The following NXPH1 variants were observed in gnomAD, a reference collection of about 807,000 sequenced individuals.
The protein encoded by NXPH1 is neurexophilin-1.
Under a neutral mutation model 23.7 loss-of-function variants are expected in NXPH1, and 5 were observed. The observed-to-expected ratio is 0.21, with a 90% CI of 0.11 to 0.44. NXPH1 has a LOEUF of 0.44. Among genes scored for constraint, NXPH1 ranks in the 20% least tolerant of loss-of-function variants. The pLI is 0.99. For synonymous variants in NXPH1, 144 were observed against 122.2 expected, an observed-to-expected ratio of 1.18 and a Z score of -1.18; for missense variants, 324 against 321.6, an observed-to-expected ratio of 1.01 and a Z score of -0.06.
At chr7:8,702,787 C>T (rs1048849134) in intron 2 of NXPH1, among the ~76,000 whole-genome samples, 1 of 152,062 alleles carries the variant, frequency 6.6e-6, no homozygotes, top group African/African-American at 2.4e-5. Context: ...AATGAAATTA[C>T]TTTCTAAAAC....
chr7:8,441,744 C>T (rs1376798945), intron 2 of NXPH1, among the ~76,000 whole-genome samples: 1 of 152,168 alleles, frequency 6.6e-6, no homozygotes, highest in African/African-American at 2.4e-5. Flanking sequence ...CAAACCCCTC[C>T]GCGCGCCCAA....
chr7:8,638,296 T>G (rs1003287627), intron 2 of NXPH1, among the ~76,000 whole-genome samples: 1 of 152,068 alleles, frequency 6.6e-6, no homozygotes, highest in Non-Finnish European at 1.5e-5. Context: ...CAGCTCATTG[T>G]TTTGGGCATA....
chr7:8,632,896 A>G (rs1186290147), intron 2 of NXPH1, among the ~76,000 whole-genome samples: 5 of 152,226 alleles, frequency 3.3e-5, no homozygotes, highest in African/African-American at 1.2e-4. Context: ...AAAAGGAAAC[A>G]TGACAAATAT....
chr7:8,686,441 A>G (rs965103386), intron 2 of NXPH1, among the ~76,000 whole-genome samples: 3 of 152,194 alleles, frequency 2.0e-5, no homozygotes, highest in African/African-American at 7.2e-5. Context: ...TGCAGAAAAT[A>G]TCAGGTGTAT....
At chr7:8,591,940 A>G (rs2128625454) in intron 2 of NXPH1, among the ~76,000 whole-genome samples, 1 of 151,624 alleles carries the variant, frequency 6.6e-6, no homozygotes, top group East Asian at 2.0e-4. Context: ...TCAGGGTTAC[A>G]GGCATTCATT....
In NXPH1 at chr7:8,435,307, T is replaced by C. The variant is rs78946386; in HGVS notation, c.-110-297T>C. On this transcript the variant is annotated intron_variant, in intron 1 of 2. Transcript: ENST00000405863. This position sits in a 1 kb window ranked among gnomAD's most constrained non-coding sequence, Gnocchi z 5.9. ...GTCTCGCTGCCGGAGAAGCCTGGGC[T>C]CCGAACCAGCCTGCACGCGGCTCAG... The C allele has an allele frequency of 7.3e-6, 2 of 272,408 alleles. No homozygotes were observed. The highest frequency in any genetic ancestry group is 1.4e-5 in the Non-Finnish European group (2 of 141,990). 16.9% of individuals were successfully genotyped at this position (272,408 alleles called of 1,614,324 possible). A position where few individuals can be genotyped will look rare whatever the true frequency, so the allele number is the denominator to read the frequency against.
Position 8,636,109 on chromosome 7 carries a change from G to A in NXPH1, c.55-114899G>A, listed in dbSNP as rs112020939. On this transcript the variant is annotated intron_variant, in intron 2 of 2. Transcript: ENST00000405863. The stretch of plus-strand genomic sequence containing the variant: ...TTTTCCTTTAAAGATATCGTTTTCC[G>A]CCTAATTGTGCCCAGCTTCATTTAT... Among the ~76,000 whole-genome samples the A allele has an allele frequency of 7.2e-3, 1,089 of 152,042 alleles. 18 individuals carry two copies. The highest frequency in any genetic ancestry group is 0.025 in the African/African-American group (1,032 of 41,450).
chr7:8,552,700 A>T (rs1171206947), intron 2 of NXPH1, among the ~76,000 whole-genome samples: 1 of 151,416 alleles, frequency 6.6e-6, no homozygotes, highest in Non-Finnish European at 1.5e-5. Context: ...ACAGAAAAAT[A>T]CTCAGTTTGT....
chr7:8,487,070 T>G (rs1478956670), intron 2 of NXPH1, among the ~76,000 whole-genome samples: 1 of 152,194 alleles, frequency 6.6e-6, no homozygotes, highest in Non-Finnish European at 1.5e-5. Context: ...TTAGAGTACT[T>G]AACATAATAG....
At chr7:8,464,847 G>T (rs1486132740) in intron 2 of NXPH1, among the ~76,000 whole-genome samples, 1 of 152,120 alleles carries the variant, frequency 6.6e-6, no homozygotes, top group East Asian at 1.9e-4. Flanking sequence ...TCACTCATTG[G>T]GATGGCATCC....
chr7:8,613,094 C>A (rs1036283194), intron 2 of NXPH1, among the ~76,000 whole-genome samples: 1 of 151,886 alleles, frequency 6.6e-6, no homozygotes, highest in East Asian at 1.9e-4. Context: ...ATTTACATAA[C>A]CATGTTTGAG....
At chr7:8,526,791 T>TGTGG (rs1563336237) in intron 2 of NXPH1, among the ~76,000 whole-genome samples, 2 of 152,216 alleles carry the variant, frequency 1.3e-5, no homozygotes, top group African/African-American at 2.4e-5. Context: ...TGTGGAACTC[T>TGTGG]AAGTCCAATT....
intron 2 of NXPH1, among the ~76,000 whole-genome samples, chr7:8,602,930 C>G (rs1819394297): frequency 6.6e-6 from 1 of 152,110 alleles, no homozygotes; most frequent in Admixed American, 6.6e-5. Context: ...CCTGCCTTAG[C>G]CTCCCGAGTA....
intron 2 of NXPH1, among the ~76,000 whole-genome samples, chr7:8,498,621 A>T (rs561237294): frequency 6.6e-6 from 1 of 152,056 alleles, no homozygotes; most frequent in African/African-American, 2.4e-5. Flanking sequence ...TTATTGGAAC[A>T]TCTCTTTTTC....
rs1431001073 is a variant in NXPH1 at position 8,480,469 on chromosome 7, C to G, written c.54+44702C>G. Among the ~76,000 whole-genome samples the G allele has an allele frequency of 5.9e-5, 9 of 152,266 alleles. 1 individual carries two copies. In the South Asian group the frequency reaches 1.0e-3, roughly 18 times the overall value. On this transcript the variant is annotated intron_variant, in intron 2 of 2. Transcript: ENST00000405863. ...GCCATGATTCAGAATGGACAATTCT[C>G]TCTTGGAATCCAGAATTATTCTGCA...
intron 2 of NXPH1, among the ~76,000 whole-genome samples, chr7:8,499,613 C>T (rs1817397548): frequency 6.6e-6 from 1 of 152,058 alleles, no homozygotes. Flanking sequence ...CAGGACCTCC[C>T]AGGTTCCACA....
rs1820180828 is a variant in NXPH1 at position 8,634,277 on chromosome 7, G to A, written c.55-116731G>A. Among the ~76,000 whole-genome samples the A allele has an allele frequency of 2.0e-5, 3 of 152,012 alleles. No individual in the cohort carries two copies. The South Asian group carries it at 6.2e-4, about 32-fold the overall frequency. On this transcript the variant is annotated intron_variant, in intron 2 of 2. Coordinates refer to ENST00000405863, the MANE Select transcript of NXPH1 (RefSeq NM_152745.3). ...CATGAGAACTGATGGTTTCATAAAGGGCGGTTCCCCTGCACATGTTCTCTT... is the reference window on the plus strand; with the variant it reads ...CATGAGAACTGATGGTTTCATAAAGAGCGGTTCCCCTGCACATGTTCTCTT...
At chr7:8,547,646 CT>C (rs1231184067) in intron 2 of NXPH1, among the ~76,000 whole-genome samples, 1 of 151,342 alleles carries the variant, frequency 6.6e-6, no homozygotes, top group Admixed American at 6.6e-5. Context: ...CCTTTTCCCC[CT>C]GCCCCACTCT....
chr7:8,475,076 G>A (rs988449938), intron 2 of NXPH1, among the ~76,000 whole-genome samples: 2 of 152,122 alleles, frequency 1.3e-5, no homozygotes, highest in Non-Finnish European at 2.9e-5. Flanking sequence ...TGGGGGGTGG[G>A]AAGAGGGTGT....
Sources: allele counts gnomAD v4.1 joint callset (sites outside exome capture counted in the v4.1 genomes callset), GRCh38; gene constraint gnomAD v4.1.1; non-coding constraint Gnocchi (gnomAD v3.1); transcripts MANE v1.5; gene names NCBI Gene and HGNC (gene_info 2026-07-23, HGNC 2026-07-21).